KCNH7: variants seen among roughly 807,000 people sequenced by gnomAD.
KCNH7 encodes the protein voltage-gated inwardly rectifying potassium channel KCNH7.
A neutral mutation model predicts 120.8 loss-of-function variants in KCNH7; 49 were observed. The ratio of observed to expected loss-of-function variants is 0.41; its 90% confidence interval spans 0.32 to 0.51. KCNH7 has a LOEUF of 0.51. KCNH7 is among the 20% of genes least tolerant of loss of function. KCNH7 has a pLI of 0.38. For missense variants in KCNH7, 1,097 were observed against 1,446.6 expected (o/e 0.76, Z 3.92); for synonymous variants, 547 against 516.1 (o/e 1.06, Z -0.81).
intron 2 of KCNH7, among the ~76,000 whole-genome samples, chr2:162,824,665 T>C (rs552339992): frequency 1.3e-5 from 2 of 152,248 alleles, no homozygotes; most frequent in South Asian, 2.1e-4. Flanking sequence ...TACTGTGTTA[T>C]AATTCTGTTG....
chr2:162,633,588 A>C (rs1306222603), intron 2 of KCNH7, among the ~76,000 whole-genome samples: 2 of 151,988 alleles, frequency 1.3e-5, no homozygotes, highest in African/African-American at 4.8e-5. Context: ...CATTTTATAT[A>C]AACCCTTAAT....
intron 2 of KCNH7, among the ~76,000 whole-genome samples, chr2:162,741,343 A>G (rs915142051): frequency 3.3e-5 from 5 of 150,310 alleles, no homozygotes; most frequent in African/African-American, 1.2e-4. Flanking sequence ...GTTATTAATT[A>G]TACATATTAA....
chr2:162,617,350 G>A (rs1174975223), intron 2 of KCNH7, among the ~76,000 whole-genome samples: 1 of 152,040 alleles, frequency 6.6e-6, no homozygotes, highest in Non-Finnish European at 1.5e-5. Flanking sequence ...GTGGTGGCGG[G>A]CGCCTGTAGT....
At chr2:162,635,213 T>G (rs1683912710) in intron 2 of KCNH7, among the ~76,000 whole-genome samples, 1 of 152,114 alleles carries the variant, frequency 6.6e-6, no homozygotes, top group South Asian at 2.1e-4. Flanking sequence ...AGCAAATATT[T>G]AATGTATGCC....
chr2:162,585,498 C>T (rs549760888), intron 2 of KCNH7, among the ~76,000 whole-genome samples: 1 of 152,128 alleles, frequency 6.6e-6, no homozygotes, highest in Admixed American at 6.5e-5. Context: ...TCTTTCCAAA[C>T]TGGGATACAT....
rs533769899 is a variant in KCNH7 at position 162,426,121 on chromosome 2, C to T, written c.1955-2586G>A. On this transcript the variant is annotated intron_variant, in intron 8 of 15. Coordinates refer to ENST00000332142, the MANE Select transcript of KCNH7 (RefSeq NM_033272.4). Reference sequence around the variant, plus strand: ...ACCAGCTATTCCGGAAGCTGAGGCACGAGAATTGCTTGATCCAGGGAGGCT... The same window carrying T: ...ACCAGCTATTCCGGAAGCTGAGGCATGAGAATTGCTTGATCCAGGGAGGCT... 1.3e-4 allele frequency among the ~76,000 whole-genome samples: 20 copies of T among 150,000 alleles called. No individual in the cohort carries two copies. In the South Asian group the frequency reaches 2.9e-3, roughly 22 times the overall value.
chr2:162,577,018 C>A (rs976410092), intron 2 of KCNH7, among the ~76,000 whole-genome samples: 13 of 151,722 alleles, frequency 8.6e-5, no homozygotes, highest in Non-Finnish European at 1.8e-4. Context: ...CTCAAGTGAT[C>A]CATCCTCTTG....
chr2:162,525,313 G>T (rs1244228160), intron 3 of KCNH7, among the ~76,000 whole-genome samples: 1 of 151,952 alleles, frequency 6.6e-6, no homozygotes, highest in Non-Finnish European at 1.5e-5. Context: ...AGGAGCTGCA[G>T]CAGCAAAACA....
chr2:162,812,085 C>T (rs2105570442), intron 2 of KCNH7, among the ~76,000 whole-genome samples: 1 of 152,128 alleles, frequency 6.6e-6, no homozygotes, highest in East Asian at 1.9e-4. Flanking sequence ...CATGTGCACA[C>T]ACACTAAATT....
chr2:162,684,651 C>T (rs1329637764), intron 2 of KCNH7, among the ~76,000 whole-genome samples: 3 of 152,110 alleles, frequency 2.0e-5, no homozygotes, highest in Non-Finnish European at 4.4e-5. Flanking sequence ...CAATGAGATG[C>T]CATCTCATGC....
intron 2 of KCNH7, among the ~76,000 whole-genome samples, chr2:162,695,869 A>G (rs1686269956): frequency 6.6e-6 from 1 of 152,204 alleles, no homozygotes; most frequent in African/African-American, 2.4e-5. Context: ...AGGAACAACT[A>G]CATGAAATCT....
At chr2:162,548,554 G>A (rs563974719) in intron 2 of KCNH7, among the ~76,000 whole-genome samples, 5 of 152,190 alleles carry the variant, frequency 3.3e-5, no homozygotes, top group Non-Finnish European at 7.4e-5. Context: ...CCACAGAGAA[G>A]GATGAAGGAT....
intron 2 of KCNH7, among the ~76,000 whole-genome samples, chr2:162,679,139 T>C (rs1685626035): frequency 6.6e-6 from 1 of 151,644 alleles, no homozygotes; most frequent in African/African-American, 2.4e-5. Context: ...TTTAGCAAAA[T>C]TGATTATAAG....
chr2:162,724,448 G>A (rs1421003258), intron 2 of KCNH7, among the ~76,000 whole-genome samples: 2 of 151,756 alleles, frequency 1.3e-5, no homozygotes, highest in Non-Finnish European at 2.9e-5. Flanking sequence ...CGAGGCGGGC[G>A]GATCACGAGG....
chr2:162,736,586 A>G (rs193190479), intron 2 of KCNH7, among the ~76,000 whole-genome samples: 1 of 152,362 alleles, frequency 6.6e-6, no homozygotes, highest in East Asian at 1.9e-4. Context: ...GCTAAGGGAC[A>G]TTCATACAGC....
intron 9 of KCNH7, among the ~76,000 whole-genome samples, chr2:162,408,116 AT>A (rs1422190785): frequency 6.6e-6 from 1 of 152,068 alleles, no homozygotes; most frequent in Non-Finnish European, 1.5e-5. Flanking sequence ...TCCTTCAACC[AT>A]TTTGACTCGC....
At chr2:162,374,824 G>A (rs1686104667) in intron 14 of KCNH7, among the ~76,000 whole-genome samples, 2 of 151,582 alleles carry the variant, frequency 1.3e-5, no homozygotes, top group African/African-American at 4.9e-5. Context: ...ATATAGCTTT[G>A]TGTCTTCTAA....
At chr2:162,647,242 A>G (rs901750228) in intron 2 of KCNH7, among the ~76,000 whole-genome samples, 2 of 152,130 alleles carry the variant, frequency 1.3e-5, no homozygotes, top group African/African-American at 4.8e-5. Flanking sequence ...AGTCTCCTAA[A>G]CTAACTCAAC....
At chr2:162,398,144 AT>A (rs1413029678) in intron 10 of KCNH7, among the ~76,000 whole-genome samples, 5 of 151,868 alleles carry the variant, frequency 3.3e-5, no homozygotes, top group African/African-American at 9.7e-5. Context: ...ATCAATGGCA[AT>A]GTAAAATAGT....
Sources: allele counts gnomAD v4.1 joint callset (sites outside exome capture counted in the v4.1 genomes callset), GRCh38; gene constraint gnomAD v4.1.1; transcripts MANE v1.5; gene names NCBI Gene and HGNC (gene_info 2026-07-23, HGNC 2026-07-21).